FER: variants seen among roughly 807,000 people sequenced by gnomAD.
The protein encoded by FER is FER tyrosine kinase, also known as tyrosine-protein kinase Fer.
In FER, 63 loss-of-function variants were observed where a neutral mutation model predicts 111.0. The observed-to-expected ratio is 0.57, with a 90% CI of 0.46 to 0.70. FER has a LOEUF of 0.70. Ranked by LOEUF, FER falls within the 30% of genes least tolerant of loss-of-function variation. The pLI is 0.00. For missense variants in FER, 914 were observed against 954.0 expected (o/e 0.96, Z 0.55); for synonymous variants, 327 against 313.9 (o/e 1.04, Z -0.44).
intron 13 of FER, among the ~76,000 whole-genome samples, chr5:109,017,967 A>G (rs189475616): frequency 5.7e-4 from 87 of 151,952 alleles, no homozygotes; most frequent in African/African-American, 7.9e-4. Context: ...CATTTTCTCT[A>G]TAGATTCTCT....
At chr5:109,124,465 G>A (rs988901733) in intron 17 of FER, among the ~76,000 whole-genome samples, 2 of 152,174 alleles carry the variant, frequency 1.3e-5, no homozygotes, top group Admixed American at 6.5e-5. Flanking sequence ...GCCCAGAATG[G>A]CTTTGTGGAG....
chr5:109,083,008 C>T (rs2150024984), intron 16 of FER, among the ~76,000 whole-genome samples: 1 of 152,060 alleles, frequency 6.6e-6, no homozygotes, highest in East Asian at 1.9e-4. Context: ...TTTAAATTCT[C>T]CTGAAGCAAA....
chr5:109,036,488 A>G, intron 13 of FER, among the ~76,000 whole-genome samples: 1 of 151,968 alleles, frequency 6.6e-6, no homozygotes, highest in East Asian at 1.9e-4. Context: ...ACTTGTTACA[A>G]CTCATAGATC....
At chr5:108,845,015 T>TATAC (rs1761791768) in intron 5 of FER, among the ~76,000 whole-genome samples, 2 of 52,570 alleles carry the variant, frequency 3.8e-5, no homozygotes, top group Non-Finnish European at 7.5e-5. Flanking sequence ...TATATATATA[T>TATAC]ATATATATAT....
At chr5:108,918,445 A>G (rs1312390296) in intron 10 of FER, among the ~76,000 whole-genome samples, 2 of 151,840 alleles carry the variant, frequency 1.3e-5, no homozygotes, top group Non-Finnish European at 2.9e-5. Context: ...CAATAATATA[A>G]TCTAGACTTA....
intron 13 of FER, among the ~76,000 whole-genome samples, chr5:109,002,379 T>G (rs1310081936): frequency 6.6e-6 from 1 of 151,550 alleles, no homozygotes; most frequent in Non-Finnish European, 1.5e-5. Context: ...GGGAAAGGAT[T>G]CCCTATTTAA....
chr5:109,102,913 A>G (rs1004074186), intron 17 of FER, among the ~76,000 whole-genome samples: 1 of 152,116 alleles, frequency 6.6e-6, no homozygotes, highest in Non-Finnish European at 1.5e-5. Context: ...GTGCCAGCCT[A>G]CATAGTTCTT....
chr5:109,050,832 T>A (rs1477188577), intron 16 of FER, among the ~76,000 whole-genome samples: 2 of 152,182 alleles, frequency 1.3e-5, no homozygotes, highest in African/African-American at 2.4e-5. Flanking sequence ...AACAATGGAA[T>A]GTTTTAGCAG....
intron 13 of FER, among the ~76,000 whole-genome samples, chr5:108,987,679 T>G (rs1220156604): frequency 6.6e-6 from 1 of 152,194 alleles, no homozygotes; most frequent in African/African-American, 2.4e-5. Flanking sequence ...TTACCAGTTC[T>G]ACAAGCTTTT....
chr5:109,175,577 CTA>C (rs1404366902), intron 17 of FER, among the ~76,000 whole-genome samples: 1 of 152,048 alleles, frequency 6.6e-6, no homozygotes, highest in Admixed American at 6.6e-5. Flanking sequence ...GCTCAGGCAA[CTA>C]AAACAAAAAT....
intron 16 of FER, among the ~76,000 whole-genome samples, chr5:109,070,969 G>A (rs565906158): frequency 3.9e-5 from 6 of 152,012 alleles, no homozygotes; most frequent in Admixed American, 2.6e-4. Flanking sequence ...AGTATCTATC[G>A]TATGGCAGCT....
At chr5:108,922,157 C>T (rs188833830) in intron 10 of FER, among the ~76,000 whole-genome samples, 49 of 152,222 alleles carry the variant, frequency 3.2e-4, no homozygotes, top group Non-Finnish European at 6.6e-4. Context: ...GGGTTATCCC[C>T]TAGAAATTTT....
chr5:109,102,598 T>C (rs893681555), intron 17 of FER, among the ~76,000 whole-genome samples: 1 of 152,208 alleles, frequency 6.6e-6, no homozygotes, highest in African/African-American at 2.4e-5. Flanking sequence ...CATTTAAAAA[T>C]GTTTGTTATG....
chr5:109,041,123 A>G (rs1010486219), intron 14 of FER, among the ~76,000 whole-genome samples: 1 of 152,168 alleles, frequency 6.6e-6, no homozygotes, highest in Non-Finnish European at 1.5e-5. Flanking sequence ...GAGTAGCATT[A>G]AGGGCCCCCT....
intron 11 of FER, among the ~76,000 whole-genome samples, chr5:108,950,744 T>G (rs139513712): frequency 0.01 from 1,545 of 152,266 alleles, 22 homozygotes; most frequent in African/African-American, 0.035. Flanking sequence ...TTAGTATATC[T>G]GTACAAATAA....
chr5:108,875,925 A>G (rs1454879378), intron 8 of FER, among the ~76,000 whole-genome samples: 1 of 152,220 alleles, frequency 6.6e-6, no homozygotes, highest in African/African-American at 2.4e-5. Flanking sequence ...TTTGAATACC[A>G]TGATTACGTA....
At chr5:108,761,421 G>A (rs529378998) in intron 1 of FER, among the ~76,000 whole-genome samples, 275 of 152,278 alleles carry the variant, frequency 1.8e-3, no homozygotes, top group Non-Finnish European at 1.8e-3. Context: ...AGAATGGCTG[G>A]TCAGTAGAGC....
intron 3 of FER, among the ~76,000 whole-genome samples, chr5:108,818,728 G>T (rs546502231): frequency 1.3e-5 from 2 of 151,916 alleles, no homozygotes. Flanking sequence ...TTGAGAGATG[G>T]GTCATTACTT....
At chr5:109,157,902 G>C (rs571356774) in intron 17 of FER, among the ~76,000 whole-genome samples, 3 of 152,220 alleles carry the variant, frequency 2.0e-5, no homozygotes, top group Admixed American at 2.0e-4. Flanking sequence ...GACAGAGTCA[G>C]ACAAAGCTAT....
Sources: gnomAD v4.1 joint callset for allele counts (sites outside exome capture counted in the v4.1 genomes callset) on GRCh38, gnomAD v4.1.1 for gene constraint, MANE v1.5 for transcripts, NCBI Gene and HGNC (gene_info 2026-07-23, HGNC 2026-07-21) for gene names.